KIRREL3: variants seen among roughly 807,000 people sequenced by gnomAD.
The protein encoded by KIRREL3 is kin of IRRE-like protein 3.
KIRREL3 carries 36 observed loss-of-function variants against 89.7 expected under a neutral mutation model. The observed-to-expected ratio is 0.40, with a 90% CI of 0.31 to 0.53. The LOEUF (loss-of-function observed/expected upper bound fraction) is 0.53. KIRREL3 is among the 20% of genes least tolerant of loss of function. The pLI is 0.49. For synonymous variants in KIRREL3, 445 were observed against 441.4 expected, an observed-to-expected ratio of 1.01 and a Z score of -0.10; for missense variants, 864 against 1,056.6, an observed-to-expected ratio of 0.82 and a Z score of 2.53.
chr11:126,435,128 A>G, intron 13 of KIRREL3, 140 bp downstream of exon 13: 2 of 892,940 alleles, frequency 2.2e-6, no homozygotes, highest in South Asian at 2.9e-5. Flanking sequence ...CTTTGTCTAC[A>G]CTAAACCCTC....
rs190658757 is a variant in KIRREL3 at position 126,486,557 on chromosome 11, G to A, written c.434-13091C>T. Among the ~76,000 whole-genome samples, 1,427 of 152,312 alleles carry A rather than the reference G, an allele frequency of 9.4e-3. 25 individuals carry two copies. The highest frequency in any genetic ancestry group is 0.031 in the African/African-American group (1,280 of 41,564). ...GGTTTCGACCTTAACCTGATTTGGGGTCTCTTTTGCTCAACACAGCTGGGT... is the reference window on the plus strand; with the variant it reads ...GGTTTCGACCTTAACCTGATTTGGGATCTCTTTTGCTCAACACAGCTGGGT... On this transcript the variant is annotated intron_variant, in intron 4 of 16. Transcript: ENST00000525144. This position sits in a 1 kb window ranked among gnomAD's most constrained non-coding sequence, Gnocchi z 6.2.
rs1951620881 is a variant in KIRREL3 at position 126,817,721 on chromosome 11, C to T, written c.55+182734G>A. On this transcript the variant is annotated intron_variant, in intron 1 of 16. Transcript: ENST00000525144. This position sits in a 1 kb window ranked among gnomAD's most constrained non-coding sequence, Gnocchi z 5.7. ...CCACCGAGCTTCCCTAACTTGTTCACATCCTGTCACGCTAGCTAATGATAG... is the reference window on the plus strand; with the variant it reads ...CCACCGAGCTTCCCTAACTTGTTCATATCCTGTCACGCTAGCTAATGATAG... Among the ~76,000 whole-genome samples, 1 of 152,234 alleles carries T rather than the reference C, an allele frequency of 6.6e-6. No homozygotes were observed. The highest frequency in any genetic ancestry group is 2.1e-4 in the South Asian group (1 of 4,830).
At chr11:126,572,039 T>C (rs988038949) in intron 1 of KIRREL3, among the ~76,000 whole-genome samples, 3 of 152,204 alleles carry the variant, frequency 2.0e-5, no homozygotes, top group Non-Finnish European at 4.4e-5. Flanking sequence ...GACTAGTGTT[T>C]GAATGGGGCC....
chr11:126,777,868 A>T (rs529192146), intron 1 of KIRREL3, among the ~76,000 whole-genome samples: 2 of 152,274 alleles, frequency 1.3e-5, no homozygotes, highest in South Asian at 4.2e-4. Context: ...ATGTTGAATC[A>T]TCGTTGTATA....
rs1486326509 is a variant in KIRREL3 at position 126,872,446 on chromosome 11, G to C, written c.55+128009C>G. Among the ~76,000 whole-genome samples the C allele has an allele frequency of 6.6e-6, 1 of 152,196 alleles. No homozygotes were observed. The highest frequency in any genetic ancestry group is 2.4e-5 in the African/African-American group (1 of 41,466). Reference sequence around the variant, plus strand: ...AAGGAGCGGCTCCCCTGCTGCTGCTGTATGCTGCCACTTCAATAAAGTTGC... The same window carrying C: ...AAGGAGCGGCTCCCCTGCTGCTGCTCTATGCTGCCACTTCAATAAAGTTGC... On this transcript the variant is annotated intron_variant, in intron 1 of 16. Coordinates refer to ENST00000525144, the MANE Select transcript of KIRREL3 (RefSeq NM_032531.4). The surrounding 1 kb of genome is among the most constrained non-coding windows in gnomAD (Gnocchi z 4.2).
chr11:126,981,670 C>G lies in KIRREL3; in HGVS notation c.55+18785G>C, dbSNP rs1452126053. 6.6e-6 allele frequency among the ~76,000 whole-genome samples: 1 copy of G among 152,180 alleles called. No homozygotes were observed. Among genetic ancestry groups the G allele is most frequent in the Non-Finnish European group, 1.5e-5 (1 of 68,036 alleles). On this transcript the variant is annotated intron_variant, in intron 1 of 16. Coordinates refer to ENST00000525144, the MANE Select transcript of KIRREL3 (RefSeq NM_032531.4). The surrounding 1 kb of genome is among the most constrained non-coding windows in gnomAD (Gnocchi z 4.2). ...TCGGAGGAGGTCTCAGCCACACATGCTCAGGGGGCTTTTATCAATGCACCC... is the reference window on the plus strand; with the variant it reads ...TCGGAGGAGGTCTCAGCCACACATGGTCAGGGGGCTTTTATCAATGCACCC...
rs1483467122 is a variant in KIRREL3 at position 126,476,381 on chromosome 11, G to T, written c.434-2915C>A. Among the ~76,000 whole-genome samples the T allele has an allele frequency of 6.6e-6, 1 of 152,154 alleles. No individual in the cohort carries two copies. Among genetic ancestry groups the T allele is most frequent in the Non-Finnish European group, 1.5e-5 (1 of 68,032 alleles). ...GCTCTGAGCACAGTGCAGCCACCAAGGCCTTCCCGAGAATCCAAGACCCAG... is the reference window on the plus strand; with the variant it reads ...GCTCTGAGCACAGTGCAGCCACCAATGCCTTCCCGAGAATCCAAGACCCAG... On this transcript the variant is annotated intron_variant, in intron 4 of 16. Transcript: ENST00000525144. The surrounding 1 kb of genome is among the most constrained non-coding windows in gnomAD (Gnocchi z 6.4).
Position 126,441,487 on chromosome 11 carries a change from C to G in KIRREL3, c.1253-938G>C. Among the ~76,000 whole-genome samples the G allele has an allele frequency of 6.6e-6, 1 of 152,182 alleles. No homozygotes were observed. The highest frequency in any genetic ancestry group is 1.9e-4 in the East Asian group (1 of 5,190). Reference sequence around the variant, plus strand: ...AGCTTAGCCTGGGCTCTGCTGGCTTCCTGGCTGGGCTGGGTGGTTGAAGGA... The same window carrying G: ...AGCTTAGCCTGGGCTCTGCTGGCTTGCTGGCTGGGCTGGGTGGTTGAAGGA... On this transcript the variant is annotated intron_variant, in intron 10 of 16. Coordinates refer to ENST00000525144, the MANE Select transcript of KIRREL3 (RefSeq NM_032531.4). This position sits in a 1 kb window ranked among gnomAD's most constrained non-coding sequence, Gnocchi z 5.0.
At chr11:126,497,110 CTG>C (rs60261632) in intron 4 of KIRREL3, among the ~76,000 whole-genome samples, 2,973 of 148,674 alleles carry the variant, frequency 0.02, 62 homozygotes, top group African/African-American at 0.053. Context: ...GCCTGCTTGG[CTG>C]TGTGTGTGTG....
chr11:126,536,627 T>G (rs936253587), intron 2 of KIRREL3, among the ~76,000 whole-genome samples: 1 of 141,822 alleles, frequency 7.1e-6, no homozygotes, highest in African/African-American at 2.6e-5. Flanking sequence ...TATCCCCTCA[T>G]GGCCCTGGGC....
intron 1 of KIRREL3, among the ~76,000 whole-genome samples, chr11:126,950,187 C>G (rs1369862114): frequency 6.6e-6 from 1 of 152,104 alleles, no homozygotes; most frequent in Non-Finnish European, 1.5e-5. Flanking sequence ...TCCTGGCCCA[C>G]ATGGTGAAAC....
chr11:126,985,224 C>T lies in KIRREL3; in HGVS notation c.55+15231G>A, dbSNP rs769279340. Among the ~76,000 whole-genome samples, 7 of 152,076 alleles carry T rather than the reference C, an allele frequency of 4.6e-5. No homozygotes were observed. Among genetic ancestry groups the T allele is most frequent in the Admixed American group, 2.0e-4 (3 of 15,270 alleles). ...GGGTTTGCAAGTGAAATGCTGGGCA[C>T]GGAAAGGTAGGAGTTGTCCAGAATC... On this transcript the variant is annotated intron_variant, in intron 1 of 16. Coordinates refer to ENST00000525144, the MANE Select transcript of KIRREL3 (RefSeq NM_032531.4). The surrounding 1 kb of genome is among the most constrained non-coding windows in gnomAD (Gnocchi z 5.3).
intron 1 of KIRREL3, among the ~76,000 whole-genome samples, chr11:126,583,441 G>A: frequency 6.6e-6 from 1 of 152,148 alleles, no homozygotes; most frequent in East Asian, 1.9e-4. Context: ...CTGAACCAAT[G>A]ATAACACCCT....
rs911422353 is a variant in KIRREL3, at chr11:126,609,118, A to C, written c.56-46206T>G. ...ATGGAATTGTGCTGAATTGAGGAGC[A>C]CTGCAGCGAGACCTGACCACCGCCC... On this transcript the variant is annotated intron_variant, in intron 1 of 16. Coordinates refer to ENST00000525144, the MANE Select transcript of KIRREL3 (RefSeq NM_032531.4). This position sits in a 1 kb window ranked among gnomAD's most constrained non-coding sequence, Gnocchi z 5.0. 6.6e-6 allele frequency among the ~76,000 whole-genome samples: 1 copy of C among 152,102 alleles called. No individual in the cohort carries two copies. The highest frequency in any genetic ancestry group is 2.4e-5 in the African/African-American group (1 of 41,412).
At position 126,987,659 on chromosome 11, in the gene KIRREL3, T is replaced by C; in HGVS notation, c.55+12796A>G. Among the ~76,000 whole-genome samples the C allele has an allele frequency of 6.6e-6, 1 of 152,232 alleles. No individual in the cohort carries two copies. The highest frequency in any genetic ancestry group is 2.1e-4 in the South Asian group (1 of 4,834). On this transcript the variant is annotated intron_variant, in intron 1 of 16. Transcript: ENST00000525144. The surrounding 1 kb of genome is among the most constrained non-coding windows in gnomAD (Gnocchi z 4.6). ...CCAGGCATCAGCTGCCAAGGCTCTG[T>C]TGATATGACGGCATGTCCCACTGAA... is the stretch of plus-strand genomic sequence containing the variant.
rs1206021738 is a variant in KIRREL3, at chr11:126,983,238, A to C, written c.55+17217T>G. 3.9e-5 allele frequency among the ~76,000 whole-genome samples: 6 copies of C among 152,196 alleles called. No individual in the cohort carries two copies. Among genetic ancestry groups the C allele is most frequent in the Admixed American group, 3.9e-4 (6 of 15,286 alleles). Reference sequence around the variant, plus strand: ...ACCTATTATTTGATAATCCCAATAGATACACACGGGGGAAGGTCATTTTCT... The same window carrying C: ...ACCTATTATTTGATAATCCCAATAGCTACACACGGGGGAAGGTCATTTTCT... On this transcript the variant is annotated intron_variant, in intron 1 of 16. Coordinates refer to ENST00000525144, the MANE Select transcript of KIRREL3 (RefSeq NM_032531.4). The surrounding 1 kb of genome is among the most constrained non-coding windows in gnomAD (Gnocchi z 4.9).
At chr11:126,732,495 G>A (rs980931817) in intron 1 of KIRREL3, among the ~76,000 whole-genome samples, 14 of 152,120 alleles carry the variant, frequency 9.2e-5, no homozygotes, top group South Asian at 2.1e-4. Context: ...ACTAGATGAC[G>A]TTTTCTACTA....
chr11:126,884,491 C>T (rs1565382372), intron 1 of KIRREL3, among the ~76,000 whole-genome samples: 1 of 152,168 alleles, frequency 6.6e-6, no homozygotes, highest in Non-Finnish European at 1.5e-5. Flanking sequence ...AGCGTGACCG[C>T]CAGGATGAGG....
At chr11:126,809,294 G>A (rs897751412) in intron 1 of KIRREL3, among the ~76,000 whole-genome samples, 4 of 152,168 alleles carry the variant, frequency 2.6e-5, no homozygotes, top group Non-Finnish European at 4.4e-5. Context: ...TAGGAGGTGC[G>A]TTATAAAGCC....
Sources: allele counts gnomAD v4.1 joint callset (sites outside exome capture counted in the v4.1 genomes callset), GRCh38; gene constraint gnomAD v4.1.1; non-coding constraint Gnocchi (gnomAD v3.1); transcripts MANE v1.5; gene names NCBI Gene and HGNC (gene_info 2026-07-23, HGNC 2026-07-21).